GRIA2: variants seen among roughly 807,000 people sequenced by gnomAD.
GRIA2 encodes glutamate receptor 2.
Under a neutral mutation model 97.3 loss-of-function variants are expected in GRIA2, and 14 were observed. That is an observed-to-expected ratio of 0.14 (90% CI 0.10 to 0.23). The LOEUF (loss-of-function observed/expected upper bound fraction) is 0.23, where lower values mean the gene tolerates loss of function less well. Among genes scored for constraint, GRIA2 ranks in the 10% least tolerant of loss-of-function variants. The pLI, the probability that GRIA2 is intolerant of heterozygous loss-of-function variation, is 1.00. For synonymous variants in GRIA2, 412 were observed against 387.8 expected (o/e 1.06, Z -0.73); for missense variants, 558 against 1,069.8 (o/e 0.52, Z 6.67).
intron 6 of GRIA2, among the ~76,000 whole-genome samples, chr4:157,331,344 T>C (rs1042237815): frequency 1.1e-4 from 16 of 152,084 alleles, no homozygotes; most frequent in Admixed American, 7.9e-4. Context: ...GACGGCTTTA[T>C]AGCTTTCCCT....
chr4:157,339,445 C>G (rs1285095775), intron 11 of GRIA2, among the ~76,000 whole-genome samples: 1 of 151,872 alleles, frequency 6.6e-6, no homozygotes, highest in African/African-American at 2.4e-5. Flanking sequence ...TGAATTGATA[C>G]TTTAAAAATA....
intron 3 of GRIA2, among the ~76,000 whole-genome samples, chr4:157,304,286 G>A (rs371230342): frequency 6.6e-5 from 10 of 152,276 alleles, no homozygotes; most frequent in East Asian, 5.8e-4. Context: ...ATCAACCCAC[G>A]TATGGTACAG....
In GRIA2 at chr4:157,356,323, G is replaced by A. The variant is rs372227097; in HGVS notation, c.2044-3573G>A. 1.5e-4 allele frequency among the ~76,000 whole-genome samples: 23 copies of A among 150,636 alleles called. No individual in the cohort carries two copies. The East Asian group carries it at 4.3e-3, about 28-fold the overall frequency. ...AGAAAGACTTGTAACTCTTCCCTGG[G>A]GCCATCTTGACAGAAATGATTGTCA... On this transcript the variant is annotated intron_variant, in intron 12 of 15. Coordinates refer to ENST00000264426, the MANE Select transcript of GRIA2 (RefSeq NM_001083619.3).
At chr4:157,311,992 T>C (rs559281745) in intron 3 of GRIA2, among the ~76,000 whole-genome samples, 7 of 151,838 alleles carry the variant, frequency 4.6e-5, no homozygotes, top group Admixed American at 3.3e-4. Flanking sequence ...AACAGGAAAA[T>C]AGACATATTT....
At chr4:157,295,357 TATC>T (rs1733296959) in intron 2 of GRIA2, among the ~76,000 whole-genome samples, 1 of 152,124 alleles carries the variant, frequency 6.6e-6, no homozygotes, top group Non-Finnish European at 1.5e-5. Context: ...AGAAGTAATT[TATC>T]ATCATAAATA....
At chr4:157,355,901 A>ATTT (rs1560781006) in intron 12 of GRIA2, among the ~76,000 whole-genome samples, 8 of 2,672 alleles carry the variant, frequency 3.0e-3, no homozygotes, top group Admixed American at 0.014. Flanking sequence ...ATTTATATAT[A>ATTT]AATATATATA....
intron 2 of GRIA2, among the ~76,000 whole-genome samples, chr4:157,254,441 T>A (rs540754131): frequency 6.6e-6 from 1 of 152,152 alleles, no homozygotes; most frequent in African/African-American, 2.4e-5. Context: ...ATTGGGAAAA[T>A]GTTTCTGCTT....
At chr4:157,302,455 A>T (rs1357479135) in intron 2 of GRIA2, among the ~76,000 whole-genome samples, 1 of 152,164 alleles carries the variant, frequency 6.6e-6, no homozygotes, top group East Asian at 1.9e-4. Context: ...AATTAAGAGC[A>T]TGGATTCTGA....
chr4:157,360,070 G>A lies in GRIA2; in HGVS notation c.2218G>A (p.Asp740Asn), dbSNP rs1276241823. ...GTACATTGAGCAAAGGAAGCCTTGC[G>A]ACACCATGAAAGTTGGTGGAAACCT... ...NEYIEQRKPC[D>N]TMKVGGNLDS... Residue 740 changes from aspartate (D) to asparagine (N), a missense_variant, in exon 13 of 16, where the codon GAC becomes AAC. This residue lies in a region of GRIA2 where 125 missense variants were observed against 310.2 expected (regional missense o/e 0.40). Coordinates refer to ENST00000264426, the MANE Select transcript of GRIA2 (RefSeq NM_001083619.3). 3 of 1,613,854 alleles carry A rather than the reference G, an allele frequency of 1.9e-6. No homozygotes were observed. Among genetic ancestry groups the A allele is most frequent in the East Asian group, 2.2e-5 (1 of 44,846 alleles).
chr4:157,338,064 T>C (rs2126944501), intron 11 of GRIA2, among the ~76,000 whole-genome samples: 1 of 140,130 alleles, frequency 7.1e-6, no homozygotes, highest in East Asian at 2.1e-4. Context: ...ACACATTTTT[T>C]TTATCTCTGA....
intron 12 of GRIA2, among the ~76,000 whole-genome samples, chr4:157,355,951 T>TTATGTATTTA (rs1736306723): frequency 1.5e-5 from 1 of 68,104 alleles, no homozygotes; most frequent in African/African-American, 7.5e-5. Flanking sequence ...TAATATATAT[T>TTATGTATTTA]TATATATTTA....
intron 6 of GRIA2, among the ~76,000 whole-genome samples, chr4:157,330,949 T>C (rs1485681762): frequency 6.6e-6 from 1 of 151,970 alleles, no homozygotes; most frequent in Non-Finnish European, 1.5e-5. Flanking sequence ...AATTTACATC[T>C]AGTTTAATGA....
chr4:157,306,559 G>C (rs1315360794), intron 3 of GRIA2, among the ~76,000 whole-genome samples: 3 of 152,110 alleles, frequency 2.0e-5, no homozygotes, highest in Non-Finnish European at 4.4e-5. Flanking sequence ...TTTTCAAGGT[G>C]TTATCAAGTA....
intron 6 of GRIA2, among the ~76,000 whole-genome samples, chr4:157,326,378 T>G (rs2126917625): frequency 6.6e-6 from 1 of 152,296 alleles, no homozygotes; most frequent in South Asian, 2.1e-4. Flanking sequence ...TTCATTTCAC[T>G]GTTAATTATC....
intron 2 of GRIA2, 44 bp from the exon 3 acceptor site, chr4:157,303,508 C>T: frequency 1.3e-6 from 2 of 1,578,648 alleles, no homozygotes. Context: ...TGATTGTGTG[C>T]CAATTTCAAT....
At chr4:157,236,540 T>C (rs1199771116) in intron 2 of GRIA2, among the ~76,000 whole-genome samples, 1 of 152,092 alleles carries the variant, frequency 6.6e-6, no homozygotes, top group Non-Finnish European at 1.5e-5. Flanking sequence ...TAATAATATG[T>C]CCAAGTGGGT....
intron 12 of GRIA2, among the ~76,000 whole-genome samples, chr4:157,359,018 A>G (rs1736519249): frequency 6.6e-6 from 1 of 152,178 alleles, no homozygotes; most frequent in Non-Finnish European, 1.5e-5. Context: ...TCTTCCCAAA[A>G]GGGATTAAAG....
chr4:157,321,416 T>A (rs750255360), intron 5 of GRIA2, 22 bp from the exon 6 acceptor site: 1 of 1,568,144 alleles, frequency 6.4e-7, no homozygotes, highest in South Asian at 1.1e-5. Context: ...AAAAGCGTGA[T>A]ATCAATGTGT....
At chr4:157,264,881 GCTCT>G (rs1316122145) in intron 2 of GRIA2, among the ~76,000 whole-genome samples, 6 of 150,908 alleles carry the variant, frequency 4.0e-5, no homozygotes, top group East Asian at 2.0e-4. Context: ...ATACACACAC[GCTCT>G]CTCTCTCTCA....
Sources: gnomAD v4.1 joint callset for allele counts (sites outside exome capture counted in the v4.1 genomes callset) on GRCh38, gnomAD v4.1.1 for gene constraint, gnomAD v4.1.1 regional missense constraint, MANE v1.5 for transcripts, NCBI Gene and HGNC (gene_info 2026-07-23, HGNC 2026-07-21) for gene names.